Variants in CPQ observed in about 807,000 individuals in gnomAD.
CPQ encodes the protein Ser-Met dipeptidase.
Under a neutral mutation model 45.7 loss-of-function variants are expected in CPQ, and 37 were observed. The observed-to-expected ratio is 0.81, with a 90% CI of 0.62 to 1.07. The LOEUF is 1.07. Among genes scored for constraint, CPQ ranks in the 50% least tolerant of loss-of-function variants. CPQ has a pLI of 0.00. For synonymous variants in CPQ, 186 were observed against 205.8 expected, an observed-to-expected ratio of 0.90 and a Z score of 0.82; for missense variants, 537 against 572.9, an observed-to-expected ratio of 0.94 and a Z score of 0.64.
intron 7 of CPQ, among the ~76,000 whole-genome samples, chr8:97,134,895 C>T (rs1324142349): frequency 6.6e-6 from 1 of 152,202 alleles, no homozygotes; most frequent in East Asian, 1.9e-4. Flanking sequence ...AAGCACTCAA[C>T]AAGCAGTGAC....
At chr8:97,126,011 G>C (rs1444057107) in intron 7 of CPQ, among the ~76,000 whole-genome samples, 1 of 152,156 alleles carries the variant, frequency 6.6e-6, no homozygotes, top group African/African-American at 2.4e-5. Flanking sequence ...ATGTTTATCT[G>C]GGAATAGAGC....
At chr8:96,940,823 A>G (rs1227050571) in intron 4 of CPQ, among the ~76,000 whole-genome samples, 1 of 152,144 alleles carries the variant, frequency 6.6e-6, no homozygotes, top group Non-Finnish European at 1.5e-5. Flanking sequence ...GTAATTTAAT[A>G]CTCAGAGTAC....
At chr8:97,105,664 C>A (rs1280352008) in intron 7 of CPQ, among the ~76,000 whole-genome samples, 1 of 152,162 alleles carries the variant, frequency 6.6e-6, no homozygotes, top group African/African-American at 2.4e-5. Flanking sequence ...ACACTTGTAG[C>A]TTCTTAGTAC....
chr8:97,053,899 G>A (rs980769282), intron 6 of CPQ, among the ~76,000 whole-genome samples: 9 of 152,072 alleles, frequency 5.9e-5, no homozygotes, highest in Admixed American at 1.3e-4. Context: ...AGGAAGGAGC[G>A]AACAGAATCT....
At chr8:96,942,924 T>C (rs568462678) in intron 4 of CPQ, among the ~76,000 whole-genome samples, 1 of 152,306 alleles carries the variant, frequency 6.6e-6, no homozygotes, top group South Asian at 2.1e-4. Context: ...TGAATATGAC[T>C]TTCAATGTCA....
At chr8:96,818,957 C>A (rs1354065553) in intron 2 of CPQ, among the ~76,000 whole-genome samples, 1 of 152,080 alleles carries the variant, frequency 6.6e-6, no homozygotes. Context: ...TCAGCCACTT[C>A]TTTTTCTCTT....
At position 97,042,357 on chromosome 8, in the gene CPQ, C is replaced by A. The variant is rs1181912569; in HGVS notation, c.1053+12863C>A. ...TCCCCTTTATCATTTTTTATTGTGT[C>A]TATTTGATTCTTCTCTCTTTTCTTC... On this transcript the variant is annotated intron_variant, in intron 6 of 7. Coordinates refer to ENST00000220763, the MANE Select transcript of CPQ (RefSeq NM_016134.4). Among the ~76,000 whole-genome samples the A allele has an allele frequency of 3.4e-4, 51 of 152,014 alleles. 1 individual carries two copies. Among genetic ancestry groups the A allele is most frequent in the Middle Eastern group, 3.4e-3 (1 of 294 alleles).
intron 5 of CPQ, among the ~76,000 whole-genome samples, chr8:97,027,380 G>A (rs1325387830): frequency 2.0e-5 from 3 of 152,140 alleles, no homozygotes; most frequent in African/African-American, 7.2e-5. Flanking sequence ...ACTCTGTGAG[G>A]TGAAAGTGTG....
intron 1 of CPQ, among the ~76,000 whole-genome samples, chr8:96,764,081 C>T (rs1810438887): frequency 1.3e-5 from 2 of 152,148 alleles, no homozygotes; most frequent in Non-Finnish European, 2.9e-5. Context: ...TGTTATAGCC[C>T]TCCTTGTTAT....
At chr8:97,078,744 AAT>A (rs1345361419) in intron 7 of CPQ, among the ~76,000 whole-genome samples, 62 of 116,616 alleles carry the variant, frequency 5.3e-4, no homozygotes, top group African/African-American at 1.8e-3. Context: ...TATTACTCTA[AAT>A]ATGATATCAT....
intron 3 of CPQ, among the ~76,000 whole-genome samples, chr8:96,842,593 T>C (rs1811627342): frequency 6.6e-6 from 1 of 152,238 alleles, no homozygotes; most frequent in Admixed American, 6.5e-5. Flanking sequence ...CATCATCCTT[T>C]CTTTTCCCCC....
intron 5 of CPQ, among the ~76,000 whole-genome samples, chr8:97,002,058 G>A (rs1365715744): frequency 6.6e-6 from 1 of 151,898 alleles, no homozygotes; most frequent in Non-Finnish European, 1.5e-5. Flanking sequence ...GCGCATAGAA[G>A]GTTCATAATA....
At chr8:97,103,021 T>C (rs2130582765) in intron 7 of CPQ, among the ~76,000 whole-genome samples, 1 of 152,234 alleles carries the variant, frequency 6.6e-6, no homozygotes, top group Non-Finnish European at 1.5e-5. Context: ...ATCTTCAAAG[T>C]ATATCACTCC....
At chr8:97,062,214 CT>C (rs1373095777) in intron 6 of CPQ, among the ~76,000 whole-genome samples, 2 of 152,146 alleles carry the variant, frequency 1.3e-5, no homozygotes, top group African/African-American at 4.8e-5. Flanking sequence ...GTTTAAAGGC[CT>C]TTTCTTTAAA....
rs145543170 is a variant in CPQ at position 96,776,338 on chromosome 8, T to C, written c.-34-8526T>C. On this transcript the variant is annotated intron_variant, in intron 1 of 7. Transcript: ENST00000220763. The stretch of plus-strand genomic sequence containing the variant: ...GACTGAAGACTGAGGGTTAAATTTA[T>C]ATCAGTGAATCCTGTTCAGGAATGG... Among the ~76,000 whole-genome samples, 424 of 152,330 alleles carry C rather than the reference T, an allele frequency of 2.8e-3. 1 individual carries two copies. Among genetic ancestry groups the C allele is most frequent in the African/African-American group, 9.7e-3 (403 of 41,580 alleles).
At chr8:96,738,066 T>A (rs999201161) in intron 1 of CPQ, among the ~76,000 whole-genome samples, 1 of 152,186 alleles carries the variant, frequency 6.6e-6, no homozygotes, top group African/African-American at 2.4e-5. Context: ...TTAATTTAAC[T>A]TTTTTGTCAG....
chr8:96,822,719 G>C (rs1054231076), intron 2 of CPQ, among the ~76,000 whole-genome samples: 6 of 151,888 alleles, frequency 4.0e-5, no homozygotes, highest in Admixed American at 3.3e-4. Context: ...TCAGCTTCTT[G>C]TGAAGGTTTT....
chr8:97,046,277 T>C (rs1413932823), intron 6 of CPQ, among the ~76,000 whole-genome samples: 1 of 152,146 alleles, frequency 6.6e-6, no homozygotes. Flanking sequence ...CTTTTTTTTT[T>C]TTCCAGAAGA....
intron 4 of CPQ, among the ~76,000 whole-genome samples, chr8:96,920,159 G>C (rs36027840): frequency 0.051 from 7,727 of 152,146 alleles, 315 homozygotes; most frequent in Non-Finnish European, 0.072. Flanking sequence ...TTTGATGATT[G>C]TCTGAAATAA....
Sources: allele counts gnomAD v4.1 joint callset (sites outside exome capture counted in the v4.1 genomes callset), GRCh38; gene constraint gnomAD v4.1.1; transcripts MANE v1.5; gene names NCBI Gene and HGNC (gene_info 2026-07-23, HGNC 2026-07-21).